SPIDR: variants seen among roughly 807,000 people sequenced by gnomAD.
SPIDR encodes the protein DNA repair-scaffolding protein.
Under a neutral mutation model 104.6 loss-of-function variants are expected in SPIDR, and 93 were observed. The ratio of observed to expected loss-of-function variants is 0.89; its 90% CI spans 0.75 to 1.06. SPIDR has a LOEUF of 1.06. Ranked by LOEUF, SPIDR falls within the 50% of genes least tolerant of loss-of-function variation. SPIDR has a pLI of 0.00. For synonymous variants in SPIDR, 431 were observed against 416.9 expected, an observed-to-expected ratio of 1.03 and a Z score of -0.41; for missense variants, 1,154 against 1,111.2, an observed-to-expected ratio of 1.04 and a Z score of -0.55.
At chr8:47,520,453 G>A (rs1271017924) in intron 8 of SPIDR, among the ~76,000 whole-genome samples, 1 of 152,164 alleles carries the variant, frequency 6.6e-6, no homozygotes, top group African/African-American at 2.4e-5. Context: ...CTAAAGAGTA[G>A]TTTGTTCATT....
Position 47,735,919 on chromosome 8 carries a change from T to G in SPIDR, c.*469T>G, listed in dbSNP as rs1166313520. On this transcript the variant is annotated 3_prime_UTR_variant, in exon 20 of 20. Coordinates refer to ENST00000297423, the MANE Select transcript of SPIDR (RefSeq NM_001080394.4). ...ACAATAAATGTCAAACCTAAGCACT[T>G]TGCAGTTCACTACTTTTGGGAAAAT... is the stretch of plus-strand genomic sequence containing the variant. 1 of 241,560 alleles carries G rather than the reference T, an allele frequency of 4.1e-6. No individual in the cohort carries two copies. The highest frequency in any genetic ancestry group is 8.2e-6 in the Non-Finnish European group (1 of 121,652). 15.0% of individuals were successfully genotyped at this position (241,560 alleles called of 1,614,324 possible).
chr8:47,502,851 G>A (rs1275147958), intron 8 of SPIDR, among the ~76,000 whole-genome samples: 3 of 152,150 alleles, frequency 2.0e-5, no homozygotes, highest in Admixed American at 2.0e-4. Flanking sequence ...TGTTCTCATT[G>A]GTTTCAAAGA....
At chr8:47,285,390 T>G (rs1343015300) in intron 3 of SPIDR, among the ~76,000 whole-genome samples, 1 of 152,230 alleles carries the variant, frequency 6.6e-6, no homozygotes, top group Admixed American at 6.5e-5. Context: ...AATCTTCTGA[T>G]GGAATTGCAG....
intron 16 of SPIDR, 32 bp from the exon 17 acceptor site, chr8:47,727,168 T>C (rs1332699189): frequency 6.2e-7 from 1 of 1,608,436 alleles, no homozygotes; most frequent in South Asian, 1.1e-5. Flanking sequence ...CAGAGCCGCC[T>C]CTGAGGTGGG....
At chr8:47,675,584 G>C (rs1393040061) in intron 11 of SPIDR, among the ~76,000 whole-genome samples, 1 of 152,104 alleles carries the variant, frequency 6.6e-6, no homozygotes, top group African/African-American at 2.4e-5. Flanking sequence ...GCCAAGGCAG[G>C]CTGATCACTT....
intron 8 of SPIDR, among the ~76,000 whole-genome samples, chr8:47,503,433 G>A (rs1274109832): frequency 2.0e-5 from 3 of 152,112 alleles, no homozygotes; most frequent in Non-Finnish European, 4.4e-5. Flanking sequence ...TTTAAAGTCT[G>A]TTTTATCAGA....
intron 8 of SPIDR, among the ~76,000 whole-genome samples, chr8:47,577,289 C>G (rs2059233092): frequency 6.6e-6 from 1 of 152,226 alleles, no homozygotes; most frequent in Non-Finnish European, 1.5e-5. Context: ...CAGAAATCAA[C>G]CTGATGTCAT....
chr8:47,734,397 G>A (rs1363323150), intron 19 of SPIDR, among the ~76,000 whole-genome samples: 2 of 152,164 alleles, frequency 1.3e-5, no homozygotes, highest in Non-Finnish European at 2.9e-5. Context: ...GGGCACCAAG[G>A]AGCCACATTC....
chr8:47,569,084 T>C (rs1484601589), intron 8 of SPIDR, among the ~76,000 whole-genome samples: 1 of 152,200 alleles, frequency 6.6e-6, no homozygotes, highest in Non-Finnish European at 1.5e-5. Context: ...TGGAAAAAGA[T>C]ATTCTATGCA....
intron 7 of SPIDR, among the ~76,000 whole-genome samples, chr8:47,435,274 A>G (rs2068080959): frequency 6.6e-6 from 1 of 152,032 alleles, no homozygotes; most frequent in Non-Finnish European, 1.5e-5. Flanking sequence ...CTGGCTTCCC[A>G]AAGTGCCGGG....
At chr8:47,399,855 A>G (rs2061653502) in intron 6 of SPIDR, among the ~76,000 whole-genome samples, 1 of 152,196 alleles carries the variant, frequency 6.6e-6, no homozygotes, top group Non-Finnish European at 1.5e-5. Flanking sequence ...AAGGTTGGTC[A>G]AACACTTACA....
intron 8 of SPIDR, among the ~76,000 whole-genome samples, chr8:47,525,159 A>G (rs1483780336): frequency 2.0e-5 from 3 of 152,222 alleles, no homozygotes; most frequent in Admixed American, 2.0e-4. Context: ...TAAAGTACAG[A>G]GCAAACTTCA....
At position 47,598,985 on chromosome 8, in the gene SPIDR, A is replaced by AC; in HGVS notation, c.1336dup (p.His446ProfsTer84). On this transcript the variant is annotated frameshift_variant, in exon 10 of 20. Transcript: ENST00000297423. LOFTEE classifies it high-confidence loss of function. ...TGTAGCCACTACAGGGACAGCCTGG[A>AC]CCCATGGGCACAAAGAAGCAAAACA... The AC allele has an allele frequency of 6.2e-7, 1 of 1,613,820 alleles. No homozygotes were observed. Among genetic ancestry groups the AC allele is most frequent in the Non-Finnish European group, 8.5e-7 (1 of 1,179,874 alleles).
Position 47,668,606 on chromosome 8 carries a change from T to A in SPIDR, c.1545-5195T>A, listed in dbSNP as rs545202791. Among the ~76,000 whole-genome samples the A allele has an allele frequency of 9.9e-5, 15 of 152,214 alleles. No individual in the cohort carries two copies. In the East Asian group the frequency reaches 2.9e-3, roughly 29 times the overall value. On this transcript the variant is annotated intron_variant, in intron 10 of 19. Transcript: ENST00000297423. ...TATAAAACATTCAAGACTTTTTCTT[T>A]AAAGCTGGAACAAAATAAGGATGCC...
chr8:47,557,768 A>T (rs899586325), intron 8 of SPIDR, among the ~76,000 whole-genome samples: 7 of 152,214 alleles, frequency 4.6e-5, no homozygotes, highest in Admixed American at 1.3e-4. Context: ...ACTAAAGACA[A>T]TTAAGACCTT....
At chr8:47,598,340 G>A (rs760108379) in intron 9 of SPIDR, among the ~76,000 whole-genome samples, 3 of 152,132 alleles carry the variant, frequency 2.0e-5, no homozygotes, top group Non-Finnish European at 2.9e-5. Flanking sequence ...TAAAATGGAG[G>A]TGTGATATTA....
intron 11 of SPIDR, among the ~76,000 whole-genome samples, chr8:47,689,721 G>A (rs1233786826): frequency 6.6e-6 from 1 of 152,072 alleles, no homozygotes; most frequent in Non-Finnish European, 1.5e-5. Context: ...GCCCCTTCTC[G>A]TCTGCAACTC....
chr8:47,706,696 T>G (rs1212340905), intron 14 of SPIDR, among the ~76,000 whole-genome samples: 23 of 152,216 alleles, frequency 1.5e-4, no homozygotes, highest in Admixed American at 1.4e-3. Flanking sequence ...GGTTGTTACA[T>G]GAATAGAACC....
intron 8 of SPIDR, among the ~76,000 whole-genome samples, chr8:47,442,899 C>A (rs1298187523): frequency 1.3e-5 from 2 of 152,088 alleles, no homozygotes; most frequent in African/African-American, 4.8e-5. Context: ...CAGGCCTGTT[C>A]CCTTCTCAAC....
Sources: allele counts gnomAD v4.1 joint callset (sites outside exome capture counted in the v4.1 genomes callset), GRCh38; gene constraint gnomAD v4.1.1; transcripts MANE v1.5; gene names NCBI Gene and HGNC (gene_info 2026-07-23, HGNC 2026-07-21).